OPRM1: variants seen among roughly 807,000 people sequenced by gnomAD.
OPRM1 encodes opioid receptor mu 1.
In OPRM1, 27 loss-of-function variants were observed where a neutral mutation model predicts 31.8. The ratio of observed to expected loss-of-function variants is 0.85; its 90% CI spans 0.63 to 1.17. The LOEUF (loss-of-function observed/expected upper bound fraction) is 1.17, where lower values mean the gene tolerates loss of function less well. Among genes scored for constraint, OPRM1 ranks in the 50% most tolerant of loss-of-function variants. The pLI is 0.00. For synonymous variants in OPRM1, 196 were observed against 189.9 expected, an observed-to-expected ratio of 1.03 and a Z score of -0.26; for missense variants, 536 against 511.1, an observed-to-expected ratio of 1.05 and a Z score of -0.47.
chr6:154,161,603 CTTTTAAGT>C (rs1799024360), intron 3 of OPRM1, among the ~76,000 whole-genome samples: 1 of 152,160 alleles, frequency 6.6e-6, no homozygotes, highest in Non-Finnish European at 1.5e-5. Context: ...GACTGATAAG[CTTTTAAGT>C]TTTTATGTTC....
intron 3 of OPRM1, among the ~76,000 whole-genome samples, chr6:154,200,792 G>A (rs1156757634): frequency 6.6e-6 from 1 of 152,042 alleles, no homozygotes. Flanking sequence ...CTTGAATATC[G>A]CTCACATACT....
intron 3 of OPRM1, among the ~76,000 whole-genome samples, chr6:154,099,922 G>GATATATATCATAACATA (rs1562471311): frequency 4.9e-5 from 7 of 141,474 alleles, no homozygotes; most frequent in South Asian, 2.2e-4. Flanking sequence ...ATCATAACAT[G>GATATATATCATAACATA]TATTATCATA....
In OPRM1 at chr6:154,183,620, G is replaced by A. The variant is rs562545637; in HGVS notation, c.1165-63073G>A. ...ACAAAGTGATAAAAAGAAAGATTGG[G>A]CTGGGTGGTGGCTTACACCTGTAAT... On this transcript the variant is annotated intron_variant, in intron 3 of 3. Coordinates refer to the OPRM1 transcript ENST00000337049. Among the ~76,000 whole-genome samples the A allele has an allele frequency of 2.6e-5, 4 of 152,262 alleles. No homozygotes were observed. In the East Asian group the frequency reaches 7.7e-4, roughly 29 times the overall value.
upstream of OPRM1, among the ~76,000 whole-genome samples, chr6:154,034,697 G>A (rs1779202081): frequency 6.6e-6 from 1 of 152,106 alleles, no homozygotes; most frequent in South Asian, 2.1e-4. Context: ...AATGTGTAAA[G>A]AGTCCTGAGA....
chr6:154,010,571 A>G, exon 1 of OPRM1: 7 of 1,545,254 alleles, frequency 4.5e-6, no homozygotes, highest in Non-Finnish European at 6.1e-6. Context: ...TTCATTTGGA[A>G]GAAAATACTC....
chr6:154,162,738 T>C (rs1365184874), intron 3 of OPRM1, among the ~76,000 whole-genome samples: 1 of 152,140 alleles, frequency 6.6e-6, no homozygotes, highest in Non-Finnish European at 1.5e-5. Context: ...ACAAGAAATC[T>C]CTCCCACTCT....
At chr6:154,078,776 G>A (rs1007030709) in intron 1 of OPRM1, among the ~76,000 whole-genome samples, 9 of 152,300 alleles carry the variant, frequency 5.9e-5, no homozygotes, top group Non-Finnish European at 1.0e-4. Flanking sequence ...CTACTTGGGA[G>A]GCTGAGGTAG....
chr6:154,149,549 T>C (rs1430285571), intron 3 of OPRM1, among the ~76,000 whole-genome samples: 1 of 152,108 alleles, frequency 6.6e-6, no homozygotes, highest in African/African-American at 2.4e-5. Context: ...GGATTGTGAC[T>C]TTCTTTTGAA....
intron 3 of OPRM1, among the ~76,000 whole-genome samples, chr6:154,173,144 C>T (rs903096520): frequency 6.6e-6 from 1 of 152,226 alleles, no homozygotes; most frequent in African/African-American, 2.4e-5. Flanking sequence ...AGGAAGTCCA[C>T]ATCAAAACCC....
At chr6:154,069,971 G>C (rs959131906) in intron 1 of OPRM1, among the ~76,000 whole-genome samples, 3 of 152,214 alleles carry the variant, frequency 2.0e-5, no homozygotes, top group Non-Finnish European at 4.4e-5. Context: ...AATGAAGTAG[G>C]GGGGAAATGG....
intron 3 of OPRM1, among the ~76,000 whole-genome samples, chr6:154,193,322 A>C (rs1248914017): frequency 1.3e-5 from 2 of 152,192 alleles, no homozygotes; most frequent in Non-Finnish European, 1.5e-5. Flanking sequence ...AGCTATGAGG[A>C]TGCAAAGGCA....
chr6:154,197,940 C>T (rs1019832559), intron 3 of OPRM1, among the ~76,000 whole-genome samples: 12 of 152,110 alleles, frequency 7.9e-5, no homozygotes, highest in African/African-American at 2.9e-4. Context: ...TCTTTAGTTT[C>T]ACCAGTCCTA....
chr6:154,167,372 G>A (rs1799526010), intron 3 of OPRM1, among the ~76,000 whole-genome samples: 1 of 152,202 alleles, frequency 6.6e-6, no homozygotes, highest in African/African-American at 2.4e-5. Context: ...TTACCACAGA[G>A]TGTGTACTTC....
At chr6:154,238,468 G>A (rs1305232177) in intron 3 of OPRM1, among the ~76,000 whole-genome samples, 2 of 152,196 alleles carry the variant, frequency 1.3e-5, no homozygotes, top group East Asian at 1.9e-4. Context: ...GTTTCTCCAT[G>A]TTGGTCAGGC....
intron 1 of OPRM1, among the ~76,000 whole-genome samples, chr6:154,059,747 T>A (rs534358976): frequency 3.0e-4 from 45 of 152,352 alleles, no homozygotes; most frequent in African/African-American, 1.1e-3. Context: ...TCCACTACAC[T>A]GAATTTATTA....
At chr6:154,148,942 G>GA (rs1798425037) in intron 3 of OPRM1, among the ~76,000 whole-genome samples, 1 of 152,164 alleles carries the variant, frequency 6.6e-6, no homozygotes. Context: ...GTAGTTCCTG[G>GA]AAATCAGAAA....
chr6:154,026,845 AT>A (rs1321213439), intron 1 of OPRM1, among the ~76,000 whole-genome samples: 1 of 151,944 alleles, frequency 6.6e-6, no homozygotes, highest in Non-Finnish European at 1.5e-5. Context: ...AGAATTCTGA[AT>A]TTCTTTTCTG....
intron 3 of OPRM1, among the ~76,000 whole-genome samples, chr6:154,234,836 A>T (rs1466058258): frequency 6.6e-6 from 1 of 152,234 alleles, no homozygotes; most frequent in Admixed American, 6.5e-5. Flanking sequence ...ACCTTCTGAA[A>T]TGTAATTTTA....
intron 3 of OPRM1, among the ~76,000 whole-genome samples, chr6:154,202,302 C>T (rs1249402267): frequency 2.0e-5 from 3 of 152,136 alleles, no homozygotes; most frequent in Non-Finnish European, 4.4e-5. Flanking sequence ...GGTTACCTTA[C>T]ATCACTTAGA....
Sources: allele counts gnomAD v4.1 joint callset (sites outside exome capture counted in the v4.1 genomes callset), GRCh38; gene constraint gnomAD v4.1.1; transcripts MANE v1.5; gene names NCBI Gene and HGNC (gene_info 2026-07-23, HGNC 2026-07-21).